The following NARS2 variants were observed in gnomAD, a reference collection of about 807,000 sequenced individuals.
The protein encoded by NARS2 is asparaginyl-tRNA synthetase.
NARS2 carries 60 observed loss-of-function variants against 62.9 expected under a neutral mutation model. The observed-to-expected ratio is 0.95, with a 90% confidence interval of 0.77 to 1.18. The LOEUF (loss-of-function observed/expected upper bound fraction) is 1.18. NARS2 is among the 50% of genes most tolerant of loss of function. The pLI, the probability that NARS2 is intolerant of heterozygous loss-of-function variation, is 0.00. For synonymous variants in NARS2, 196 were observed against 200.0 expected, an observed-to-expected ratio of 0.98 and a Z score of 0.17; for missense variants, 619 against 576.4, an observed-to-expected ratio of 1.07 and a Z score of -0.76.
intron 9 of NARS2, among the ~76,000 whole-genome samples, chr11:78,473,714 C>A (rs1858971175): frequency 6.6e-6 from 1 of 152,208 alleles, no homozygotes; most frequent in East Asian, 1.9e-4. Flanking sequence ...TAAGCCCAGG[C>A]TAAAGCAGAT....
At chr11:78,485,367 C>T (rs1859525274) in intron 7 of NARS2, among the ~76,000 whole-genome samples, 1 of 151,778 alleles carries the variant, frequency 6.6e-6, no homozygotes, top group Admixed American at 6.6e-5. Context: ...CAAACCTGGA[C>T]GTTCTGCACA....
At chr11:78,462,818 C>G (rs1251964583) in intron 11 of NARS2, among the ~76,000 whole-genome samples, 1 of 152,102 alleles carries the variant, frequency 6.6e-6, no homozygotes, top group Admixed American at 6.5e-5. Flanking sequence ...TACAGTCAAA[C>G]AGATAACCCT....
rs771416192 is a variant in NARS2 at position 78,436,779 on chromosome 11, T to G, written c.1325A>C (p.His442Pro). The change falls in exon 14 of 14, where the codon CAT becomes CCT. Residue 442 changes from histidine to proline, a missense_variant. His to Pro is a moderately conservative substitution (Grantham distance 77, BLOSUM62 -2). Transcript: ENST00000281038. ...LDLRRFGSVP[H>P]GGFGMGFERY... ...TTCAAATCCCATCCCAAAACCTCCA[T>G]GTGGCACAGATCCAAATCGACGAAG... is the stretch of plus-strand genomic sequence containing the variant. The G allele has an allele frequency of 6.2e-7, 1 of 1,614,212 alleles. No homozygotes were observed. Among genetic ancestry groups the G allele is most frequent in the Non-Finnish European group, 8.5e-7 (1 of 1,180,036 alleles).
chr11:78,452,501 A>G (rs908890990), intron 11 of NARS2, among the ~76,000 whole-genome samples: 2 of 152,026 alleles, frequency 1.3e-5, no homozygotes, highest in Non-Finnish European at 2.9e-5. Context: ...TTGACCTCCC[A>G]GGCTCAAGCA....
intron 5 of NARS2, among the ~76,000 whole-genome samples, chr11:78,558,781 C>A (rs1308139163): frequency 6.6e-6 from 1 of 152,144 alleles, no homozygotes; most frequent in African/African-American, 2.4e-5. Context: ...AAATATAAAT[C>A]AGTTCTTATG....
chr11:78,475,580 C>A (rs77226317), intron 9 of NARS2, among the ~76,000 whole-genome samples: 26 of 93,986 alleles, frequency 2.8e-4, no homozygotes, highest in Non-Finnish European at 5.0e-4. Flanking sequence ...TATCATTTGA[C>A]TTTTTTTTTT....
intron 6 of NARS2, among the ~76,000 whole-genome samples, chr11:78,525,650 TA>T (rs968978002): frequency 2.6e-5 from 4 of 152,182 alleles, no homozygotes; most frequent in Admixed American, 6.5e-5. Flanking sequence ...CTCCTGCGGG[TA>T]GTTCTTAACT....
intron 11 of NARS2, among the ~76,000 whole-genome samples, 196 bp downstream of exon 11, chr11:78,465,680 T>C (rs969407574): frequency 3.3e-5 from 5 of 152,184 alleles, no homozygotes; most frequent in African/African-American, 1.2e-4. Flanking sequence ...GAAGAAGACC[T>C]TGTGACAGAA....
intron 9 of NARS2, 53 bp from the exon 10 acceptor site, chr11:78,469,366 A>C (rs1239280587): frequency 7.4e-7 from 1 of 1,354,030 alleles, no homozygotes; most frequent in Non-Finnish European, 1.1e-6. Context: ...GGAGCTGCTA[A>C]CTAGTTCATT....
At chr11:78,574,115 TTA>T (rs1857027217) in intron 1 of NARS2, among the ~76,000 whole-genome samples, 1 of 152,200 alleles carries the variant, frequency 6.6e-6, no homozygotes, top group Admixed American at 6.5e-5. Context: ...ATTAACAAGT[TTA>T]CAGGTAATAC....
chr11:78,443,764 GAAA>G lies in NARS2; in HGVS notation c.1165-9_1165-7del. The G allele has an allele frequency of 2.3e-6, 3 of 1,287,978 alleles. No homozygotes were observed. Among genetic ancestry groups the G allele is most frequent in the Non-Finnish European group, 3.2e-6 (3 of 948,378 alleles). The allele number at this position is 1,287,978 out of a possible 1,614,324, so 79.8% of individuals were successfully genotyped here. A position where few individuals can be genotyped will look rare whatever the true frequency, so the allele number is the denominator to read the frequency against. On this transcript the variant is annotated splice_region_variant and splice_polypyrimidine_tract_variant and intron_variant, in intron 11 of 13. Transcript: ENST00000281038. ...AGAAGATCAACAGCAGCAACCTAAGGAAAAAAAAAAAATTATTAGCATTATATT... is the reference window on the plus strand; with the variant it reads ...AGAAGATCAACAGCAGCAACCTAAGGAAAAAAAAATTATTAGCATTATATT...
intron 11 of NARS2, among the ~76,000 whole-genome samples, chr11:78,444,227 G>T (rs550192143): frequency 6.6e-6 from 1 of 152,082 alleles, no homozygotes; most frequent in East Asian, 1.9e-4. Flanking sequence ...TTATTGATTA[G>T]AATTATAATT....
intron 6 of NARS2, among the ~76,000 whole-genome samples, chr11:78,513,302 A>G (rs981994310): frequency 2.0e-5 from 3 of 152,026 alleles, no homozygotes; most frequent in African/African-American, 7.2e-5. Flanking sequence ...CTTATTGTGC[A>G]ATCAAATATT....
Position 78,571,462 on chromosome 11 carries a change from T to C in NARS2, c.142-18A>G, listed in dbSNP as rs759093235. 31 of 1,563,532 alleles carry C rather than the reference T, an allele frequency of 2.0e-5. No individual in the cohort carries two copies. Among genetic ancestry groups the C allele is most frequent in the Non-Finnish European group, 2.7e-5 (31 of 1,136,038 alleles). ...ATCCATCCCTAAGGAAGAGAAATAT[T>C]TCCAATGTGAGCGTAAAACATTTTA... On this transcript the variant is annotated intron_variant, in intron 1 of 13. Transcript: ENST00000281038.
At chr11:78,539,722 C>T (rs1855537499) in intron 5 of NARS2, among the ~76,000 whole-genome samples, 2 of 152,138 alleles carry the variant, frequency 1.3e-5, no homozygotes, top group South Asian at 2.1e-4. Context: ...ATAGTGTTCC[C>T]TAGAAAATAC....
At chr11:78,498,649 A>G (rs1441729313) in intron 6 of NARS2, among the ~76,000 whole-genome samples, 6 of 145,672 alleles carry the variant, frequency 4.1e-5, no homozygotes, top group African/African-American at 1.3e-4. Context: ...CAACCTTCCT[A>G]GGCCAATCTT....
chr11:78,455,373 C>A (rs1858121627), intron 11 of NARS2, among the ~76,000 whole-genome samples: 1 of 152,120 alleles, frequency 6.6e-6, no homozygotes, highest in South Asian at 2.1e-4. Flanking sequence ...GTGTGTAATT[C>A]CCTTTTAAAG....
chr11:78,559,662 A>G (rs767347332), intron 4 of NARS2, 43 bp from the exon 5 acceptor site: 3 of 1,344,940 alleles, frequency 2.2e-6, no homozygotes, highest in Non-Finnish European at 2.1e-6. Context: ...TGCACATTCA[A>G]CAATTCCAAG....
chr11:78,448,093 CTAAT>C (rs1410105810), intron 11 of NARS2, among the ~76,000 whole-genome samples: 1 of 152,042 alleles, frequency 6.6e-6, no homozygotes, highest in African/African-American at 2.4e-5. Context: ...GAAGGATCTG[CTAAT>C]TAGTTTGATT....
Sources: allele counts gnomAD v4.1 joint callset (sites outside exome capture counted in the v4.1 genomes callset), GRCh38; gene constraint gnomAD v4.1.1; transcripts MANE v1.5; gene names NCBI Gene and HGNC (gene_info 2026-07-23, HGNC 2026-07-21).